Variants in TTC23L observed in about 807,000 individuals in gnomAD.
TTC23L encodes the protein tetratricopeptide repeat domain 23 like.
A neutral mutation model predicts 48.1 loss-of-function variants in TTC23L; 42 were observed. The observed-to-expected ratio is 0.87, with a 90% confidence interval of 0.68 to 1.13. The LOEUF (loss-of-function observed/expected upper bound fraction) is 1.13. Among genes scored for constraint, TTC23L ranks in the 50% most tolerant of loss-of-function variants. The pLI is 0.00. For synonymous variants in TTC23L, 159 were observed against 157.2 expected, an observed-to-expected ratio of 1.01 and a Z score of -0.09; for missense variants, 391 against 421.0, an observed-to-expected ratio of 0.93 and a Z score of 0.62.
At chr5:34,909,262 T>G in the TTC23L span, 1 of 1,600,806 alleles carries the variant, frequency 6.2e-7, no homozygotes, top group Non-Finnish European at 8.6e-7. Flanking sequence ...ACTGACCTGT[T>G]GACTTGGGTC....
rs530807275 is a variant in TTC23L, at chr5:34,882,749, G to A, written c.1077+2441G>A. On this transcript the variant is annotated intron_variant, in intron 9 of 10. Transcript: ENST00000505624. ...CCTTCTTCCAGTAATTCATCAAAAT[G>A]ACAATCACGGCTGGGTATGGAGACT... is the stretch of plus-strand genomic sequence containing the variant. Among the ~76,000 whole-genome samples the A allele has an allele frequency of 2.4e-4, 37 of 151,982 alleles. 1 individual carries two copies. Among genetic ancestry groups the A allele is most frequent in the Non-Finnish European group, 5.3e-4 (36 of 67,996 alleles).
the TTC23L span, chr5:34,908,190 T>TTTTGG: frequency 6.6e-6 from 1 of 150,444 alleles, no homozygotes; most frequent in African/African-American, 2.4e-5. Flanking sequence ...TTTTTTTTTT[T>TTTTGG]GAGGCAGAGT....
At chr5:34,915,814 GC>G in the TTC23L span, 1 of 1,580,006 alleles carries the variant, frequency 6.3e-7, no homozygotes, top group Non-Finnish European at 8.6e-7. Flanking sequence ...CGAAATAGAT[GC>G]GGAGCCGCCA....
At chr5:34,890,471 G>A (rs1762799518) in intron 9 of TTC23L, among the ~76,000 whole-genome samples, 1 of 150,648 alleles carries the variant, frequency 6.6e-6, no homozygotes, top group Admixed American at 6.6e-5. Flanking sequence ...AAAAAGGTTG[G>A]GTATTTTGTT....
chr5:34,902,669 C>T (rs552226538), downstream of TTC23L, among the ~76,000 whole-genome samples: 44 of 152,174 alleles, frequency 2.9e-4, no homozygotes, highest in Non-Finnish European at 5.6e-4. Flanking sequence ...TGTCCACTGA[C>T]TGGTAGGCCT....
At chr5:34,844,256 G>A (rs543288103) in intron 2 of TTC23L, among the ~76,000 whole-genome samples, 5 of 152,200 alleles carry the variant, frequency 3.3e-5, no homozygotes, top group African/African-American at 1.2e-4. Context: ...GCCTGCCTGC[G>A]CTTGGGCCTC....
intron 9 of TTC23L, among the ~76,000 whole-genome samples, chr5:34,890,218 G>GT (rs1014232800): frequency 3.3e-5 from 5 of 151,812 alleles, no homozygotes; most frequent in African/African-American, 1.2e-4. Context: ...GCTGAGGCTG[G>GT]TGGATCACTT....
chr5:34,847,078 G>T (rs1759267130), intron 3 of TTC23L, among the ~76,000 whole-genome samples: 2 of 152,152 alleles, frequency 1.3e-5, no homozygotes, highest in Admixed American at 6.5e-5. Flanking sequence ...CAACAGAAGA[G>T]CTTGTACCTT....
At chr5:34,911,694 G>C in the TTC23L span, 10 of 1,614,018 alleles carry the variant, frequency 6.2e-6, no homozygotes, top group East Asian at 2.0e-4. Context: ...CAAAGTCCAG[G>C]GTCTCCTCAG....
chr5:34,864,762 T>A (rs1385735856), intron 6 of TTC23L, among the ~76,000 whole-genome samples, 200 bp downstream of exon 6: 1 of 152,328 alleles, frequency 6.6e-6, no homozygotes, highest in East Asian at 1.9e-4. Flanking sequence ...AGGTAGTTGG[T>A]ATGATTATTA....
intron 4 of TTC23L, among the ~76,000 whole-genome samples, chr5:34,854,836 G>T (rs1403419565): frequency 6.6e-6 from 1 of 152,230 alleles, no homozygotes; most frequent in African/African-American, 2.4e-5. Context: ...TTACAACTTA[G>T]TGTGGAAGGT....
the TTC23L span, chr5:34,914,801 A>C: frequency 6.2e-7 from 1 of 1,614,234 alleles, no homozygotes; most frequent in Middle Eastern, 1.6e-4. Context: ...AATAGCTTTC[A>C]AGATAGTGGA....
chr5:34,918,140 CA>C, the TTC23L span: 4,403 of 103,310 alleles, frequency 0.043, no homozygotes, highest in Middle Eastern at 0.068. Context: ...CCCATCTCTA[CA>C]AAAAAAAAAA....
At chr5:34,893,953 A>C (rs1763035687) in intron 9 of TTC23L, among the ~76,000 whole-genome samples, 1 of 152,168 alleles carries the variant, frequency 6.6e-6, no homozygotes, top group Non-Finnish European at 1.5e-5. Flanking sequence ...TCAAAACATA[A>C]AATGCCATTT....
intron 9 of TTC23L, among the ~76,000 whole-genome samples, chr5:34,886,377 A>T (rs1036772633): frequency 6.6e-6 from 1 of 151,590 alleles, no homozygotes; most frequent in African/African-American, 2.4e-5. Flanking sequence ...AAAAAAAAAA[A>T]AAAAAACGTT....
At chr5:34,895,306 A>G (rs751631148) in intron 9 of TTC23L, among the ~76,000 whole-genome samples, 10 of 152,220 alleles carry the variant, frequency 6.6e-5, no homozygotes, top group Non-Finnish European at 1.3e-4. Context: ...TTAGAATAGT[A>G]TCTATAATGT....
intron 2 of TTC23L, among the ~76,000 whole-genome samples, chr5:34,843,772 T>C (rs1380320512): frequency 1.3e-5 from 2 of 152,222 alleles, no homozygotes; most frequent in African/African-American, 4.8e-5. Flanking sequence ...CTCCTCAATA[T>C]TTTTCAAACA....
intron 9 of TTC23L, among the ~76,000 whole-genome samples, chr5:34,885,210 G>A (rs1466575012): frequency 3.3e-5 from 5 of 152,134 alleles, no homozygotes; most frequent in African/African-American, 1.2e-4. Flanking sequence ...TGTTATGAAA[G>A]ACCAAAAGGG....
Position 34,839,524 on chromosome 5 carries a change from A to G in TTC23L, c.-8+265A>G, listed in dbSNP as rs1311491991. 6.8e-6 allele frequency: 4 copies of G among 592,302 alleles called. No homozygotes were observed. The East Asian group carries it at 5.7e-4, about 85-fold the overall frequency. The allele number at this position is 592,302 out of a possible 1,614,324, so 36.7% of individuals were successfully genotyped here. A position where few individuals can be genotyped will look rare whatever the true frequency, so the allele number is the denominator to read the frequency against. On this transcript the variant is annotated intron_variant, in intron 1 of 10. Transcript: ENST00000505624. ...GGCTCAGGGCCGTGCGGAACGTCAT[A>G]GGAACAGAGTCCGGGAGTTTGAGAG...
Sources: gnomAD v4.1 joint callset for allele counts (sites outside exome capture counted in the v4.1 genomes callset) on GRCh38, gnomAD v4.1.1 for gene constraint, MANE v1.5 for transcripts, NCBI Gene and HGNC (gene_info 2026-07-23, HGNC 2026-07-21) for gene names.